Variants in MACROD2 observed in about 807,000 individuals in gnomAD.
MACROD2 encodes the protein mono-ADP ribosylhydrolase 2.
MACROD2 carries 36 observed loss-of-function variants against 70.4 expected under a neutral mutation model. The ratio of observed to expected loss-of-function variants is 0.51; its 90% CI spans 0.39 to 0.68. The LOEUF is 0.68. Ranked by LOEUF, MACROD2 falls within the 30% of genes least tolerant of loss-of-function variation. The pLI is 0.00. For missense variants in MACROD2, 496 were observed against 538.4 expected (o/e 0.92, Z 0.78); for synonymous variants, 172 against 178.8 (o/e 0.96, Z 0.30).
At chr20:14,621,735 C>A (rs1983838801) in intron 4 of MACROD2, 1 of 152,098 alleles carries the variant, frequency 6.6e-6, no homozygotes, top group Non-Finnish European at 1.5e-5. Flanking sequence ...GTTAAAACCC[C>A]AATCCAAATT....
Position 14,326,306 on chromosome 20 carries a change from G to A in MACROD2, c.272-167173G>A. ...TTTCTTGAGGGACTCCCTGTGGTTT[G>A]GTGATCCTTAGTGAGCTTGGGGTTC... On this transcript the variant is annotated intron_variant, in intron 3 of 17. Coordinates refer to ENST00000684519, the MANE Select transcript of MACROD2 (RefSeq NM_001351661.2). The surrounding 1 kb of genome is among the most constrained non-coding windows in gnomAD (Gnocchi z 5.5). 1 of 1,613,906 alleles carries A rather than the reference G, an allele frequency of 6.2e-7. No homozygotes were observed. Among genetic ancestry groups the A allele is most frequent in the Non-Finnish European group, 8.5e-7 (1 of 1,179,868 alleles).
intron 5 of MACROD2, among the ~76,000 whole-genome samples, chr20:14,797,420 T>TC (rs1480592464): frequency 1.3e-5 from 2 of 152,012 alleles, no homozygotes; most frequent in Non-Finnish European, 2.9e-5. Context: ...TAGCACTCTG[T>TC]CCCCACTCTC....
At chr20:15,136,784 A>T (rs1212825471) in intron 5 of MACROD2, among the ~76,000 whole-genome samples, 1 of 152,142 alleles carries the variant, frequency 6.6e-6, no homozygotes, top group East Asian at 1.9e-4. Context: ...CAACCTACAG[A>T]ATGGGAGAAA....
chr20:15,710,952 T>A (rs1340115400), intron 8 of MACROD2, among the ~76,000 whole-genome samples: 2 of 152,202 alleles, frequency 1.3e-5, no homozygotes, highest in East Asian at 3.9e-4. Flanking sequence ...TTATTTATCT[T>A]CGCTGTTTCC....
intron 7 of MACROD2, among the ~76,000 whole-genome samples, chr20:15,490,068 G>A (rs2047208578): frequency 6.6e-6 from 1 of 151,968 alleles, no homozygotes; most frequent in African/African-American, 2.4e-5. Flanking sequence ...GCCTTACTGG[G>A]TTATATTGAG....
intron 3 of MACROD2, among the ~76,000 whole-genome samples, chr20:14,203,805 G>A (rs1005707850): frequency 3.3e-5 from 5 of 152,180 alleles, no homozygotes; most frequent in African/African-American, 1.2e-4. Flanking sequence ...AAGCCCTTGG[G>A]CACCCATGTA....
chr20:14,182,807 A>G lies in MACROD2; in HGVS notation c.271+97079A>G, dbSNP rs564994505. ...GCTTCAATAGAAAGACTCTGGACTC[A>G]GTGCTTGCACTGCCTTTTGCCTGGA... On this transcript the variant is annotated intron_variant, in intron 3 of 17. Transcript: ENST00000684519. 7.3e-4 allele frequency among the ~76,000 whole-genome samples: 111 copies of G among 152,022 alleles called. 3 individuals carry two copies. The South Asian group carries it at 0.019, about 26-fold the overall frequency.
At chr20:15,318,532 T>C (rs1432419021) in intron 6 of MACROD2, among the ~76,000 whole-genome samples, 1 of 152,086 alleles carries the variant, frequency 6.6e-6, no homozygotes, top group Admixed American at 6.6e-5. Context: ...AAGAAAATTA[T>C]GGACCAAAAT....
At chr20:14,135,389 A>G (rs1364163941) in intron 3 of MACROD2, among the ~76,000 whole-genome samples, 2 of 151,614 alleles carry the variant, frequency 1.3e-5, no homozygotes, top group East Asian at 2.0e-4. Flanking sequence ...TCAGGCTTAA[A>G]ATTAAAAACC....
chr20:14,641,999 G>A (rs1427822830), intron 4 of MACROD2, among the ~76,000 whole-genome samples: 1 of 152,150 alleles, frequency 6.6e-6, no homozygotes, highest in East Asian at 1.9e-4. Flanking sequence ...GTCCTAGATG[G>A]TATCTTCTTC....
chr20:14,215,337 TACAC>T (rs199684417), intron 3 of MACROD2, among the ~76,000 whole-genome samples: 7,985 of 131,018 alleles, frequency 0.061, 365 homozygotes, highest in African/African-American at 0.15. Flanking sequence ...CCATCATATA[TACAC>T]ACACACACAC....
chr20:15,057,073 TG>T (rs2075492385), intron 5 of MACROD2, among the ~76,000 whole-genome samples: 1 of 152,226 alleles, frequency 6.6e-6, no homozygotes, highest in African/African-American at 2.4e-5. Context: ...GTCAGAGACT[TG>T]TGTGTCTCAT....
intron 4 of MACROD2, among the ~76,000 whole-genome samples, chr20:14,626,419 C>T (rs913067803): frequency 4.6e-5 from 7 of 151,986 alleles, no homozygotes; most frequent in East Asian, 1.9e-4. Flanking sequence ...TGCTGTATTC[C>T]CAGTACTACA....
chr20:15,686,574 A>G (rs957327699), intron 8 of MACROD2, among the ~76,000 whole-genome samples: 1 of 152,186 alleles, frequency 6.6e-6, no homozygotes, highest in Admixed American at 6.5e-5. Flanking sequence ...TATTAGTCAA[A>G]TAAAATACAA....
chr20:14,456,791 A>G (rs890359238), intron 3 of MACROD2, among the ~76,000 whole-genome samples: 2 of 137,460 alleles, frequency 1.5e-5, no homozygotes, highest in Non-Finnish European at 3.0e-5. Context: ...ATCTCGGCTC[A>G]ATGCAAGCCC....
intron 2 of MACROD2, among the ~76,000 whole-genome samples, chr20:14,047,551 A>T (rs939010114): frequency 2.0e-5 from 3 of 151,542 alleles, no homozygotes; most frequent in Admixed American, 6.6e-5. Context: ...TATCCAGATA[A>T]TTTTTTTTTC....
At chr20:15,470,101 G>A (rs948334358) in intron 7 of MACROD2, among the ~76,000 whole-genome samples, 2 of 151,912 alleles carry the variant, frequency 1.3e-5, no homozygotes, top group Admixed American at 6.6e-5. Context: ...CCAGATTGGC[G>A]TATAATGGTG....
At chr20:15,904,880 C>CAAA (rs10556594) in intron 10 of MACROD2, among the ~76,000 whole-genome samples, 45 of 128,888 alleles carry the variant, frequency 3.5e-4, no homozygotes, top group East Asian at 1.3e-3. Context: ...GACTCTGTCT[C>CAAA]AAAAAAAAAA....
At chr20:15,589,606 T>G (rs2048651154) in intron 8 of MACROD2, among the ~76,000 whole-genome samples, 2 of 152,224 alleles carry the variant, frequency 1.3e-5, no homozygotes, top group African/African-American at 4.8e-5. Context: ...GACAAACATC[T>G]AATGACATGT....
Sources: gnomAD v4.1 joint callset for allele counts (sites outside exome capture counted in the v4.1 genomes callset) on GRCh38, gnomAD v4.1.1 for gene constraint, Gnocchi (gnomAD v3.1) non-coding constraint, MANE v1.5 for transcripts, NCBI Gene and HGNC (gene_info 2026-07-23, HGNC 2026-07-21) for gene names.